Variants in COBL observed in about 807,000 individuals in gnomAD.
The protein encoded by COBL is cordon-bleu WH2 repeat protein.
In COBL, 51 loss-of-function variants were observed where a neutral mutation model predicts 98.8. The observed-to-expected ratio is 0.52, with a 90% confidence interval of 0.41 to 0.65. The LOEUF is 0.65. Among genes scored for constraint, COBL ranks in the 30% least tolerant of loss-of-function variants. The pLI is 0.00. For synonymous variants in COBL, 634 were observed against 651.7 expected (o/e 0.97, Z 0.41); for missense variants, 1,617 against 1,617.5 (o/e 1.00, Z 0.01).
chr7:51,255,719 A>C (rs534723120), intron 1 of COBL, among the ~76,000 whole-genome samples: 52 of 152,332 alleles, frequency 3.4e-4, no homozygotes, highest in South Asian at 2.9e-3. Context: ...ACTCACAATG[A>C]ATCACGGGGC....
At chr7:51,083,479 G>A (rs1294649288) in intron 7 of COBL, among the ~76,000 whole-genome samples, 1 of 152,190 alleles carries the variant, frequency 6.6e-6, no homozygotes, top group Non-Finnish European at 1.5e-5. Flanking sequence ...GGAAAGATGT[G>A]CCTGGTTGCA....
At chr7:51,281,934 T>C (rs759277508) in intron 1 of COBL, among the ~76,000 whole-genome samples, 2 of 152,164 alleles carry the variant, frequency 1.3e-5, no homozygotes, top group Non-Finnish European at 2.9e-5. Context: ...GAAGGATACC[T>C]ATGTAATAGT....
chr7:51,202,879 A>G (rs1402705192), intron 2 of COBL, among the ~76,000 whole-genome samples: 1 of 152,106 alleles, frequency 6.6e-6, no homozygotes, highest in Non-Finnish European at 1.5e-5. Flanking sequence ...CATCTCTATT[A>G]AAAATATAAA....
intron 1 of COBL, among the ~76,000 whole-genome samples, chr7:51,292,762 C>T (rs567343685): frequency 3.3e-5 from 5 of 152,348 alleles, no homozygotes; most frequent in South Asian, 2.1e-4. Flanking sequence ...TTCCAAGGCC[C>T]GTGGCTTGCC....
intron 5 of COBL, among the ~76,000 whole-genome samples, chr7:51,165,166 A>T (rs1428057516): frequency 6.6e-6 from 1 of 151,878 alleles, no homozygotes; most frequent in Non-Finnish European, 1.5e-5. Context: ...ACTCTCAAAA[A>T]ACAGACTGGC....
At chr7:51,293,506 T>G (rs1352507451) in intron 1 of COBL, among the ~76,000 whole-genome samples, 1 of 151,850 alleles carries the variant, frequency 6.6e-6, no homozygotes, top group East Asian at 1.9e-4. Flanking sequence ...ATAAAACAGA[T>G]CAATGGTGGT....
chr7:51,220,043 C>G, intron 1 of COBL, 99 bp from the exon 2 acceptor site: 1 of 1,153,234 alleles, frequency 8.7e-7, no homozygotes, highest in Non-Finnish European at 1.2e-6. Flanking sequence ...TCTTCAGGAG[C>G]ACCTTCCAAG....
intron 1 of COBL, among the ~76,000 whole-genome samples, chr7:51,263,374 G>T (rs184138386): frequency 5.3e-5 from 8 of 152,298 alleles, no homozygotes; most frequent in African/African-American, 1.7e-4. Context: ...GAAGATAAAT[G>T]GTCAGTGGGA....
chr7:51,253,892 G>T (rs1469666991), intron 1 of COBL, among the ~76,000 whole-genome samples: 1 of 152,070 alleles, frequency 6.6e-6, no homozygotes, highest in Non-Finnish European at 1.5e-5. Flanking sequence ...CTTTGTTTCT[G>T]TTTTTCAACT....
intron 3 of COBL, 58 bp from the exon 4 acceptor site, chr7:51,191,136 C>T: frequency 2.0e-6 from 3 of 1,476,848 alleles, no homozygotes; most frequent in South Asian, 1.2e-5. Context: ...AAGCCTTCAA[C>T]TCTTGTGTCA....
intron 8 of COBL, among the ~76,000 whole-genome samples, chr7:51,040,784 C>A (rs1355789888): frequency 6.6e-6 from 1 of 152,202 alleles, no homozygotes; most frequent in African/African-American, 2.4e-5. Context: ...TCCCTGTTTG[C>A]ATAAAGCATC....
chr7:51,259,182 G>T (rs1797482145), intron 1 of COBL, among the ~76,000 whole-genome samples: 1 of 151,758 alleles, frequency 6.6e-6, no homozygotes, highest in African/African-American at 2.4e-5. Context: ...AGCTACTCGG[G>T]AGGCTGAGGC....
At chr7:51,188,107 G>C in intron 4 of COBL, 1 of 580,394 alleles carries the variant, frequency 1.7e-6, no homozygotes, top group Non-Finnish European at 2.5e-6. Context: ...TGCCTCTCTG[G>C]GCTGGCCCTC....
chr7:51,186,437 T>C (rs1789514872), intron 4 of COBL, among the ~76,000 whole-genome samples: 1 of 152,218 alleles, frequency 6.6e-6, no homozygotes, highest in Non-Finnish European at 1.5e-5. Context: ...GTAGAGCATT[T>C]TCCTAGTACA....
chr7:51,038,250 G>C (rs968154226), intron 8 of COBL, among the ~76,000 whole-genome samples: 1 of 152,182 alleles, frequency 6.6e-6, no homozygotes, highest in Non-Finnish European at 1.5e-5. Context: ...ACACCGAATG[G>C]AGCCCACCAA....
chr7:51,131,967 TG>T (rs750908480), intron 6 of COBL, among the ~76,000 whole-genome samples: 1 of 152,132 alleles, frequency 6.6e-6, no homozygotes, highest in Non-Finnish European at 1.5e-5. Flanking sequence ...TCAGAAGGTA[TG>T]GAATAGTGAG....
At chr7:51,021,591 G>A (rs1786941040) in intron 12 of COBL, among the ~76,000 whole-genome samples, 1 of 152,244 alleles carries the variant, frequency 6.6e-6, no homozygotes, top group Non-Finnish European at 1.5e-5. Context: ...GCCTCCCAAA[G>A]TGTTAGGATT....
intron 1 of COBL, among the ~76,000 whole-genome samples, chr7:51,296,393 C>G (rs1025995356): frequency 6.6e-6 from 1 of 152,066 alleles, no homozygotes; most frequent in Non-Finnish European, 1.5e-5. Context: ...TTTGTCCTAA[C>G]ATGGGAGATG....
At chr7:51,296,212 G>C (rs1029231889) in intron 1 of COBL, among the ~76,000 whole-genome samples, 1 of 152,056 alleles carries the variant, frequency 6.6e-6, no homozygotes, top group African/African-American at 2.4e-5. Context: ...TCAGCACATA[G>C]GTGAATTTTA....
Sources: gnomAD v4.1 joint callset for allele counts (sites outside exome capture counted in the v4.1 genomes callset) on GRCh38, gnomAD v4.1.1 for gene constraint, MANE v1.5 for transcripts, NCBI Gene and HGNC (gene_info 2026-07-23, HGNC 2026-07-21) for gene names.